KIF6: variants seen among roughly 807,000 people sequenced by gnomAD.
The protein encoded by KIF6 is kinesin family member 6.
Under a neutral mutation model 112.7 loss-of-function variants are expected in KIF6, and 106 were observed. The ratio of observed to expected loss-of-function variants is 0.94; its 90% confidence interval spans 0.80 to 1.11. The LOEUF (loss-of-function observed/expected upper bound fraction) is 1.11, where lower values mean the gene tolerates loss of function less well. KIF6 is among the 50% of genes least tolerant of loss of function. The pLI, the probability that KIF6 is intolerant of heterozygous loss-of-function variation, is 0.00. For missense variants in KIF6, 929 were observed against 964.0 expected, an observed-to-expected ratio of 0.96 and a Z score of 0.48; for synonymous variants, 339 against 339.9, an observed-to-expected ratio of 1.00 and a Z score of 0.03.
intron 3 of KIF6, among the ~76,000 whole-genome samples, chr6:39,682,248 G>A (rs919704058): frequency 2.0e-5 from 3 of 152,198 alleles, no homozygotes; most frequent in Non-Finnish European, 4.4e-5. Context: ...TAGTCCTTGT[G>A]TGAACATCAT....
At chr6:39,645,593 T>G (rs1397948606) in intron 3 of KIF6, among the ~76,000 whole-genome samples, 1 of 152,172 alleles carries the variant, frequency 6.6e-6, no homozygotes, top group Non-Finnish European at 1.5e-5. Flanking sequence ...TCGATGTTCA[T>G]CAGGGATATT....
At chr6:39,687,638 A>G (rs1214579184) in intron 3 of KIF6, among the ~76,000 whole-genome samples, 2 of 152,208 alleles carry the variant, frequency 1.3e-5, no homozygotes, top group African/African-American at 2.4e-5. Flanking sequence ...GATTAATTTT[A>G]ATACATTTTG....
intron 13 of KIF6, among the ~76,000 whole-genome samples, chr6:39,520,082 A>G (rs183146477): frequency 1.3e-5 from 2 of 152,254 alleles, no homozygotes; most frequent in Non-Finnish European, 2.9e-5. Flanking sequence ...GAGGTCATGC[A>G]TGCTAATGAA....
At chr6:39,680,152 G>A (rs987671988) in intron 3 of KIF6, among the ~76,000 whole-genome samples, 18 of 151,932 alleles carry the variant, frequency 1.2e-4, no homozygotes, top group East Asian at 3.9e-4. Flanking sequence ...GGATTACAGC[G>A]GCACACCACC....
At chr6:39,402,798 TTG>T (rs1169935306) in intron 15 of KIF6, among the ~76,000 whole-genome samples, 1 of 152,170 alleles carries the variant, frequency 6.6e-6, no homozygotes, top group Non-Finnish European at 1.5e-5. Flanking sequence ...TCCTATGGAT[TTG>T]TGTGTTTTCC....
chr6:39,491,424 T>C (rs1201147977), intron 13 of KIF6, among the ~76,000 whole-genome samples: 1 of 152,150 alleles, frequency 6.6e-6, no homozygotes, highest in Non-Finnish European at 1.5e-5. Flanking sequence ...ATGCCAGAGC[T>C]AGCTAGCTAA....
intron 13 of KIF6, among the ~76,000 whole-genome samples, chr6:39,446,407 G>A (rs1772317001): frequency 6.6e-6 from 1 of 152,174 alleles, no homozygotes; most frequent in Non-Finnish European, 1.5e-5. Context: ...CTCACTGCCT[G>A]GGATACAGTA....
At chr6:39,657,478 T>G (rs544910550) in intron 3 of KIF6, among the ~76,000 whole-genome samples, 2 of 152,214 alleles carry the variant, frequency 1.3e-5, no homozygotes, top group South Asian at 2.1e-4. Flanking sequence ...AATAATAGTA[T>G]AGCCAGCGTG....
At chr6:39,551,408 A>G (rs1174999290) in intron 10 of KIF6, among the ~76,000 whole-genome samples, 1 of 152,200 alleles carries the variant, frequency 6.6e-6, no homozygotes, top group Non-Finnish European at 1.5e-5. Flanking sequence ...GTCAGAAGGA[A>G]TAAGATCCAG....
At chr6:39,546,461 T>C (rs1216855653) in intron 10 of KIF6, among the ~76,000 whole-genome samples, 1 of 152,202 alleles carries the variant, frequency 6.6e-6, no homozygotes, top group Non-Finnish European at 1.5e-5. Flanking sequence ...TTGTTTTTCC[T>C]ATCCTAAAAC....
At chr6:39,360,277 G>A (rs1255017609) in intron 18 of KIF6, 118 bp downstream of exon 18, 1 of 1,135,986 alleles carries the variant, frequency 8.8e-7, no homozygotes, top group African/African-American at 1.6e-5. Flanking sequence ...TGCTTCATGA[G>A]CAGGGGCTGA....
chr6:39,368,997 T>C (rs1765770421), intron 16 of KIF6, among the ~76,000 whole-genome samples: 2 of 152,154 alleles, frequency 1.3e-5, no homozygotes, highest in Non-Finnish European at 1.5e-5. Context: ...TAATGATTCA[T>C]TTGCTGAATA....
chr6:39,537,917 C>T (rs150273714), intron 13 of KIF6, among the ~76,000 whole-genome samples: 5,972 of 152,094 alleles, frequency 0.039, 159 homozygotes, highest in Non-Finnish European at 0.061. Flanking sequence ...ATGCCGCATA[C>T]CTACAACTAT....
At chr6:39,478,746 G>A (rs915650091) in intron 13 of KIF6, among the ~76,000 whole-genome samples, 3 of 138,774 alleles carry the variant, frequency 2.2e-5, no homozygotes, top group Non-Finnish European at 3.1e-5. Flanking sequence ...CCTGTTCACC[G>A]CATCCATGCC....
chr6:39,563,394 T>C (rs759660751), intron 10 of KIF6, among the ~76,000 whole-genome samples: 2 of 152,240 alleles, frequency 1.3e-5, no homozygotes, highest in Non-Finnish European at 2.9e-5. Flanking sequence ...TACATACATG[T>C]GTATTTTTCA....
At chr6:39,645,826 C>T (rs955160498) in intron 3 of KIF6, among the ~76,000 whole-genome samples, 9 of 151,998 alleles carry the variant, frequency 5.9e-5, no homozygotes, top group South Asian at 2.1e-4. Flanking sequence ...TGTAGGGACA[C>T]GGATGAAGCT....
At chr6:39,419,875 G>A (rs1562197676) in intron 15 of KIF6, 73 bp downstream of exon 15, 9 of 1,290,230 alleles carry the variant, frequency 7.0e-6, no homozygotes, top group Non-Finnish European at 1.0e-5. Context: ...TGGCCATTTG[G>A]AGGCACATCA....
At chr6:39,417,017 C>T (rs1009914576) in intron 15 of KIF6, among the ~76,000 whole-genome samples, 3 of 152,132 alleles carry the variant, frequency 2.0e-5, no homozygotes, top group Non-Finnish European at 4.4e-5. Context: ...CTCCTGCCTC[C>T]TAGATTCACT....
intron 13 of KIF6, among the ~76,000 whole-genome samples, chr6:39,439,509 G>A (rs1771777578): frequency 6.6e-6 from 1 of 152,198 alleles, no homozygotes; most frequent in South Asian, 2.1e-4. Flanking sequence ...AATTTCGGTT[G>A]TAAGTTGGAT....
Sources: allele counts gnomAD v4.1 joint callset (sites outside exome capture counted in the v4.1 genomes callset), GRCh38; gene constraint gnomAD v4.1.1; transcripts MANE v1.5; gene names NCBI Gene and HGNC (gene_info 2026-07-23, HGNC 2026-07-21).